GRID2: variants seen among roughly 807,000 people sequenced by gnomAD.
GRID2 encodes glutamate ionotropic receptor delta type subunit 2, also known as glutamate receptor ionotropic, delta-2.
A neutral mutation model predicts 114.8 loss-of-function variants in GRID2; 33 were observed. The ratio of observed to expected loss-of-function variants is 0.29; its 90% CI spans 0.22 to 0.38. GRID2 has a LOEUF of 0.38. GRID2 is among the 10% of genes least tolerant of loss of function. The pLI is 1.00. For missense variants in GRID2, 1,184 were observed against 1,257.7 expected (o/e 0.94, Z 0.89); for synonymous variants, 505 against 449.9 (o/e 1.12, Z -1.55).
intron 1 of GRID2, among the ~76,000 whole-genome samples, chr4:92,487,491 T>C (rs1722950594): frequency 6.6e-6 from 1 of 152,118 alleles, no homozygotes; most frequent in Non-Finnish European, 1.5e-5. Context: ...CTTTTCATTT[T>C]TGAAAGATAT....
At chr4:93,206,331 G>T (rs1742774067) in intron 4 of GRID2, among the ~76,000 whole-genome samples, 2 of 151,710 alleles carry the variant, frequency 1.3e-5, no homozygotes, top group Non-Finnish European at 2.9e-5. Context: ...GCACCTCTTA[G>T]CAGGTGTTTC....
chr4:93,317,038 A>G (rs953178100), intron 8 of GRID2, among the ~76,000 whole-genome samples: 2 of 152,096 alleles, frequency 1.3e-5, no homozygotes, highest in Non-Finnish European at 2.9e-5. Flanking sequence ...TTCCTTTTTT[A>G]TAGGTTAAGC....
chr4:92,645,686 A>G (rs1731577490), intron 2 of GRID2, among the ~76,000 whole-genome samples: 2 of 151,640 alleles, frequency 1.3e-5, no homozygotes, highest in South Asian at 2.1e-4. Context: ...AGCGACCACT[A>G]TGATTTTTAT....
chr4:93,294,449 TGAGA>T (rs199708286), intron 8 of GRID2, among the ~76,000 whole-genome samples: 3 of 152,060 alleles, frequency 2.0e-5, no homozygotes, highest in South Asian at 2.1e-4. Context: ...TGTGTGTATG[TGAGA>T]GAGAGAGAGT....
At chr4:93,581,773 TTCTC>T (rs1417646450) in intron 13 of GRID2, among the ~76,000 whole-genome samples, 8 of 152,152 alleles carry the variant, frequency 5.3e-5, no homozygotes, top group Non-Finnish European at 1.2e-4. Context: ...GGAGAACTCT[TTCTC>T]TATCAATCCT....
At chr4:93,310,308 T>G (rs1755874883) in intron 8 of GRID2, among the ~76,000 whole-genome samples, 1 of 152,012 alleles carries the variant, frequency 6.6e-6, no homozygotes, top group Non-Finnish European at 1.5e-5. Flanking sequence ...TCACTTGAGG[T>G]CAGGAGTTTG....
chr4:93,559,199 C>A (rs1578259802), intron 13 of GRID2, among the ~76,000 whole-genome samples: 1 of 152,058 alleles, frequency 6.6e-6, no homozygotes, highest in Non-Finnish European at 1.5e-5. Context: ...GACTAAAACA[C>A]CAAAAGCAAT....
chr4:93,726,385 T>A (rs1441765547), intron 14 of GRID2, among the ~76,000 whole-genome samples: 1 of 152,214 alleles, frequency 6.6e-6, no homozygotes, highest in African/African-American at 2.4e-5. Context: ...TTGGTTACTG[T>A]AGCCTTGTAG....
At chr4:92,420,538 C>A (rs997937833) in intron 1 of GRID2, among the ~76,000 whole-genome samples, 5 of 152,096 alleles carry the variant, frequency 3.3e-5, no homozygotes, top group Admixed American at 1.3e-4. Flanking sequence ...GGTTTGTTTT[C>A]ATATTTGATT....
chr4:92,771,114 A>G (rs952980540), intron 2 of GRID2, among the ~76,000 whole-genome samples: 2 of 152,096 alleles, frequency 1.3e-5, no homozygotes, highest in Non-Finnish European at 2.9e-5. Context: ...ACAAAACATA[A>G]TTTGCTTTAA....
At chr4:93,357,749 G>A (rs1019897081) in intron 8 of GRID2, among the ~76,000 whole-genome samples, 1 of 151,584 alleles carries the variant, frequency 6.6e-6, no homozygotes, top group Admixed American at 6.6e-5. Flanking sequence ...TGATGTAGGT[G>A]TGAAATAGGA....
intron 8 of GRID2, chr4:93,302,478 C>G: frequency 2.3e-6 from 1 of 433,906 alleles, no homozygotes; most frequent in Admixed American, 2.4e-5. Context: ...CAGAGTAACT[C>G]TCACTGAGCA....
intron 2 of GRID2, among the ~76,000 whole-genome samples, chr4:92,759,337 T>C (rs1490874470): frequency 1.3e-5 from 2 of 152,200 alleles, no homozygotes; most frequent in African/African-American, 2.4e-5. Flanking sequence ...GTTGGCCTTG[T>C]TGCTTGGGTC....
intron 2 of GRID2, among the ~76,000 whole-genome samples, chr4:92,984,914 T>C (rs1754415237): frequency 1.3e-5 from 2 of 152,142 alleles, no homozygotes; most frequent in South Asian, 4.1e-4. Context: ...ATATTTTTTC[T>C]CTCACTGCTT....
At chr4:93,146,190 G>A (rs1258835421) in intron 4 of GRID2, among the ~76,000 whole-genome samples, 2 of 151,872 alleles carry the variant, frequency 1.3e-5, no homozygotes, top group African/African-American at 2.4e-5. Context: ...AAACCCAACC[G>A]CATATTTATA....
At chr4:92,786,317 A>G (rs1480002937) in intron 2 of GRID2, among the ~76,000 whole-genome samples, 1 of 151,952 alleles carries the variant, frequency 6.6e-6, no homozygotes, top group South Asian at 2.1e-4. Flanking sequence ...ACTTTAGTCA[A>G]GAAGAATTTA....
intron 1 of GRID2, among the ~76,000 whole-genome samples, chr4:92,454,132 T>C: frequency 6.6e-6 from 1 of 152,190 alleles, no homozygotes. Flanking sequence ...CACATTGTTT[T>C]CTCTGCTATT....
chr4:92,790,931 G>A (rs527437406), intron 2 of GRID2, among the ~76,000 whole-genome samples: 145 of 151,748 alleles, frequency 9.6e-4, no homozygotes, highest in Non-Finnish European at 1.9e-3. Context: ...TTTCCACTAC[G>A]TAAGCCTTAT....
At chr4:92,408,387 G>A (rs1731126153) in intron 1 of GRID2, among the ~76,000 whole-genome samples, 1 of 127,222 alleles carries the variant, frequency 7.9e-6, no homozygotes, top group Admixed American at 7.9e-5. Context: ...GATGCCTTTG[G>A]CTTTGTGCTT....
Sources: allele counts gnomAD v4.1 joint callset (sites outside exome capture counted in the v4.1 genomes callset), GRCh38; gene constraint gnomAD v4.1.1; transcripts MANE v1.5; gene names NCBI Gene and HGNC (gene_info 2026-07-23, HGNC 2026-07-21).